The following MSANTD3 variants were observed in gnomAD, a reference collection of about 807,000 sequenced individuals.
MSANTD3 encodes the protein Myb/SANT DNA binding domain containing 3.
In MSANTD3, 11 loss-of-function variants were observed where a neutral mutation model predicts 27.7. The observed-to-expected ratio is 0.40, with a 90% CI of 0.25 to 0.66. The LOEUF (loss-of-function observed/expected upper bound fraction) is 0.66, where lower values mean the gene tolerates loss of function less well. Among genes scored for constraint, MSANTD3 ranks in the 30% least tolerant of loss-of-function variants. MSANTD3 has a pLI of 0.41. For synonymous variants in MSANTD3, 131 were observed against 127.2 expected, an observed-to-expected ratio of 1.03 and a Z score of -0.20; for missense variants, 250 against 336.5, an observed-to-expected ratio of 0.74 and a Z score of 2.01.
chr9:100,447,225 C>T (rs1010851303), intron 2 of MSANTD3, among the ~76,000 whole-genome samples: 2 of 152,132 alleles, frequency 1.3e-5, no homozygotes, highest in African/African-American at 4.8e-5. Context: ...TAGTCTTTTT[C>T]CAATTAAGAC....
chr9:100,445,230 G>A, intron 2 of MSANTD3: 1 of 1,585,362 alleles, frequency 6.3e-7, no homozygotes, highest in Non-Finnish European at 8.7e-7. Context: ...GGACTTGGTA[G>A]GAAAAAGGTG....
At chr9:100,448,552 T>G (rs1317800943) in intron 2 of MSANTD3, 4 of 985,278 alleles carry the variant, frequency 4.1e-6, no homozygotes, top group Non-Finnish European at 1.2e-6. Flanking sequence ...TTGGGAGGGA[T>G]GTGACCCACT....
At chr9:100,447,516 TA>T (rs1264384857) in intron 2 of MSANTD3, among the ~76,000 whole-genome samples, 1 of 152,222 alleles carries the variant, frequency 6.6e-6, no homozygotes, top group African/African-American at 2.4e-5. Flanking sequence ...AAATGCAGGA[TA>T]CACGCCCATA....
chr9:100,431,326 G>A (rs755186904), intron 1 of MSANTD3, among the ~76,000 whole-genome samples: 20 of 131,480 alleles, frequency 1.5e-4, no homozygotes, highest in Non-Finnish European at 3.2e-4. Flanking sequence ...TTTTTAAAGA[G>A]ACAGCGTTTT....
At chr9:100,441,208 A>T (rs973632916) in intron 1 of MSANTD3, among the ~76,000 whole-genome samples, 6 of 151,948 alleles carry the variant, frequency 3.9e-5, no homozygotes, top group Admixed American at 1.3e-4. Flanking sequence ...CATATTTTAT[A>T]TTTGAGTACA....
rs1432944415 is a variant in MSANTD3 at position 100,441,954 on chromosome 9, A to G, written c.16A>G (p.Ile6Val). Residue 6 changes from isoleucine to valine, a missense_variant, in exon 2 of 3, where the codon ATT becomes GTT. Ile to Val is a conservative substitution (Grantham distance 29). Transcript: ENST00000395067. The stretch of plus-strand genomic sequence containing the variant: ...ACAGTGGAAAATGCAAAACAACGAA[A>G]TTATAAAGCCTGCCAAATACTTCTC... Reference protein sequence around the residue: MQNNEIIKPAKYFSEL... With the variant: MQNNEVIKPAKYFSEL... 1 of 1,606,194 alleles carries G rather than the reference A, an allele frequency of 6.2e-7. No individual in the cohort carries two copies. The highest frequency in any genetic ancestry group is 8.5e-7 in the Non-Finnish European group (1 of 1,174,832).
At chr9:100,449,088 T>C (rs1348613596) in intron 2 of MSANTD3, 2 of 985,260 alleles carry the variant, frequency 2.0e-6, no homozygotes, top group African/African-American at 3.5e-5. Context: ...TAAATTGGCA[T>C]TGTTTTTCTC....
chr9:100,450,548 G>A lies in MSANTD3; in HGVS notation c.419-9G>A, dbSNP rs1564252925. On this transcript the variant is annotated splice_polypyrimidine_tract_variant and intron_variant, in intron 2 of 2. Coordinates refer to ENST00000395067, the MANE Select transcript of MSANTD3 (RefSeq NM_080655.3). ...CTTTGAACATATGTTTTCTGCTACT[G>A]TTTTTCAGAATCATTTGCTGTTTCA... 1 of 1,515,528 alleles carries A rather than the reference G, an allele frequency of 6.6e-7. No homozygotes were observed. The highest frequency in any genetic ancestry group is 8.8e-7 in the Non-Finnish European group (1 of 1,136,058). The allele number at this position is 1,515,528 out of a possible 1,614,324, so 93.9% of individuals were successfully genotyped here. A position where few individuals can be genotyped will look rare whatever the true frequency, so the allele number is the denominator to read the frequency against.
In MSANTD3 at chr9:100,439,166, G is replaced by C. The variant is rs1389213445; in HGVS notation, c.-33-2740G>C. On this transcript the variant is annotated intron_variant, in intron 1 of 2. Transcript: ENST00000395067. ...TAGTGAGAGACCGTGATCAGGTTCT[G>C]TCACCCTCATGTAAAGACCACACTC... Among the ~76,000 whole-genome samples, 4 of 152,136 alleles carry C rather than the reference G, an allele frequency of 2.6e-5. No individual in the cohort carries two copies. In the East Asian group the frequency reaches 7.7e-4, roughly 29 times the overall value.
At chr9:100,432,167 A>T (rs1022037116) in intron 1 of MSANTD3, among the ~76,000 whole-genome samples, 30 of 152,150 alleles carry the variant, frequency 2.0e-4, no homozygotes, top group Non-Finnish European at 1.3e-4. Context: ...TCCAAGTTAC[A>T]TGGCTGCCTG....
intron 1 of MSANTD3, among the ~76,000 whole-genome samples, chr9:100,429,860 G>A (rs996917212): frequency 2.0e-5 from 3 of 151,758 alleles, no homozygotes; most frequent in Admixed American, 6.6e-5. Flanking sequence ...CTACCACCAC[G>A]CCCAGCTAAT....
chr9:100,442,285 C>T lies in MSANTD3; in HGVS notation c.347C>T (p.Pro116Leu). 2 of 1,614,116 alleles carry T rather than the reference C, an allele frequency of 1.2e-6. No homozygotes were observed. The highest frequency in any genetic ancestry group is 1.7e-6 in the Non-Finnish European group (2 of 1,180,030). The stretch of plus-strand genomic sequence containing the variant: ...AAGGAGAAGATCGCCAGCATGCTGC[C>T]GGAGCAGCTCTACTTCCTGCAGAGC... ...LGKEKIASML[P>L]EQLYFLQSPP... The change falls in exon 2 of 3, where the codon CCG (proline) becomes CTG (leucine). Residue 116 changes from proline to leucine, a missense_variant. Transcript: ENST00000395067.
intron 1 of MSANTD3, among the ~76,000 whole-genome samples, chr9:100,440,309 A>G (rs1342455662): frequency 6.6e-6 from 1 of 152,148 alleles, no homozygotes; most frequent in Non-Finnish European, 1.5e-5. Flanking sequence ...TGGACTTTCT[A>G]TGTCACCATC....
chr9:100,429,411 A>G (rs1025022463), intron 1 of MSANTD3: 5 of 152,238 alleles, frequency 3.3e-5, no homozygotes, highest in Non-Finnish European at 7.3e-5. Flanking sequence ...GATAACATTC[A>G]TTCAACAAAT....
intron 2 of MSANTD3, among the ~76,000 whole-genome samples, chr9:100,445,484 G>A (rs1836732663): frequency 2.0e-5 from 3 of 151,996 alleles, no homozygotes; most frequent in Admixed American, 2.0e-4. Context: ...TTTTTATATT[G>A]TTACATGTTG....
chr9:100,431,204 G>T (rs1836369361), intron 1 of MSANTD3, among the ~76,000 whole-genome samples: 1 of 151,090 alleles, frequency 6.6e-6, no homozygotes, highest in Non-Finnish European at 1.5e-5. Flanking sequence ...GTTTTTCCAT[G>T]TTGGTCAGGC....
intron 1 of MSANTD3, among the ~76,000 whole-genome samples, chr9:100,439,040 G>A (rs1050376344): frequency 6.6e-6 from 1 of 152,190 alleles, no homozygotes; most frequent in African/African-American, 2.4e-5. Context: ...GATACCTGAT[G>A]TGTCCAGTAT....
intron 2 of MSANTD3, among the ~76,000 whole-genome samples, chr9:100,445,676 C>T (rs114306318): frequency 6.6e-6 from 1 of 152,206 alleles, no homozygotes; most frequent in African/African-American, 2.4e-5. Flanking sequence ...GAATTAGGTA[C>T]TCAGAAATTT....
chr9:100,449,272 AC>A, intron 2 of MSANTD3: 1 of 984,814 alleles, frequency 1.0e-6, no homozygotes, highest in Non-Finnish European at 1.2e-6. Context: ...CACCTACCAA[AC>A]GTGGTATCCT....
Sources: allele counts gnomAD v4.1 joint callset (sites outside exome capture counted in the v4.1 genomes callset), GRCh38; gene constraint gnomAD v4.1.1; transcripts MANE v1.5; gene names NCBI Gene and HGNC (gene_info 2026-07-23, HGNC 2026-07-21).